Variants in ADGRD1 observed in about 807,000 individuals in gnomAD.
The protein encoded by ADGRD1 is adhesion G protein-coupled receptor D1.
In ADGRD1, 77 loss-of-function variants were observed where a neutral mutation model predicts 113.4. That is an observed-to-expected ratio of 0.68 (90% confidence interval 0.57 to 0.82). The LOEUF is 0.82. Among genes scored for constraint, ADGRD1 ranks in the 40% least tolerant of loss-of-function variants. ADGRD1 has a pLI of 0.00. For missense variants in ADGRD1, 1,036 were observed against 1,139.1 expected, an observed-to-expected ratio of 0.91 and a Z score of 1.30; for synonymous variants, 474 against 475.0, an observed-to-expected ratio of 1.00 and a Z score of 0.03.
chr12:131,052,234 C>G (rs1310087295), intron 13 of ADGRD1, among the ~76,000 whole-genome samples: 1 of 152,182 alleles, frequency 6.6e-6, no homozygotes, highest in East Asian at 1.9e-4. Context: ...GAGCCACTCC[C>G]GGGGCTCATT....
At position 131,003,608 on chromosome 12, in the gene ADGRD1, T is replaced by A. The variant is rs1345101416; in HGVS notation, c.1144+306T>A. ...GCAGTGCCTGCAAGAGTCTGTGGAA[T>A]AAAAGGGGTGGCCTCGGGTTTCTGG... is the stretch of plus-strand genomic sequence containing the variant. On this transcript the variant is annotated intron_variant, in intron 10 of 24. Transcript: ENST00000261654. The surrounding 1 kb of genome is among the most constrained non-coding windows in gnomAD (Gnocchi z 4.8). 6.6e-6 allele frequency among the ~76,000 whole-genome samples: 1 copy of A among 152,176 alleles called. No individual in the cohort carries two copies. The highest frequency in any genetic ancestry group is 1.5e-5 in the Non-Finnish European group (1 of 68,046).
intron 8 of ADGRD1, chr12:130,994,319 A>G (rs1310015417): frequency 9.3e-6 from 4 of 428,194 alleles, no homozygotes; most frequent in African/African-American, 6.1e-5. Context: ...ATGGGCTACA[A>G]GGGGTGACTG....
chr12:131,046,354 GT>G (rs1882766518), intron 13 of ADGRD1, among the ~76,000 whole-genome samples: 1 of 26,418 alleles, frequency 3.8e-5, no homozygotes, highest in Non-Finnish European at 8.6e-5. Context: ...CCTGGTCAGT[GT>G]CCTCCCTGGT....
intron 13 of ADGRD1, among the ~76,000 whole-genome samples, chr12:131,021,330 C>A (rs1879289508): frequency 6.6e-6 from 1 of 152,134 alleles, no homozygotes; most frequent in Non-Finnish European, 1.5e-5. Context: ...TCCTAGGCAA[C>A]TGCAGTCTGT....
At chr12:131,089,802 C>T (rs1271701663) in intron 15 of ADGRD1, among the ~76,000 whole-genome samples, 2 of 152,246 alleles carry the variant, frequency 1.3e-5, no homozygotes, top group African/African-American at 2.4e-5. Context: ...AGGTGATTCC[C>T]TGAGGTCACA....
chr12:131,065,051 C>T (rs918819059), intron 13 of ADGRD1, among the ~76,000 whole-genome samples: 4 of 152,174 alleles, frequency 2.6e-5, no homozygotes, highest in African/African-American at 9.7e-5. Flanking sequence ...ATGTATTTAC[C>T]TTCTACTCCC....
In ADGRD1 at chr12:131,031,567, GC is replaced by G. The variant is rs556365160; in HGVS notation, c.1473+17234del. 3.9e-3 allele frequency among the ~76,000 whole-genome samples: 592 copies of G among 151,904 alleles called. 3 individuals are homozygous for G. The highest frequency in any genetic ancestry group is 0.014 in the African/African-American group (560 of 41,394). On this transcript the variant is annotated intron_variant, in intron 13 of 24. Coordinates refer to ENST00000261654, the MANE Select transcript of ADGRD1 (RefSeq NM_198827.5). Reference sequence around the variant, plus strand: ...CAAGGTTCCAGGATTAGCAAACACGGCCCCCCCACCCTTCCTTCAGGCCTGG... The same window carrying G: ...CAAGGTTCCAGGATTAGCAAACACGGCCCCCCACCCTTCCTTCAGGCCTGG...
intron 15 of ADGRD1, among the ~76,000 whole-genome samples, chr12:131,101,874 G>A (rs527836991): frequency 2.6e-5 from 4 of 152,304 alleles, no homozygotes; most frequent in African/African-American, 9.6e-5. Flanking sequence ...TATAATGTCA[G>A]TGTGTCCTGT....
chr12:130,958,922 G>A (rs1221309162), intron 2 of ADGRD1, among the ~76,000 whole-genome samples: 1 of 152,252 alleles, frequency 6.6e-6, no homozygotes, highest in Non-Finnish European at 1.5e-5. Flanking sequence ...GGAGAAGCGT[G>A]TCTTTCAGAC....
chr12:131,074,517 A>G (rs1200098039), intron 13 of ADGRD1, among the ~76,000 whole-genome samples: 1 of 152,170 alleles, frequency 6.6e-6, no homozygotes, highest in Non-Finnish European at 1.5e-5. Context: ...CCCAGGCCTC[A>G]GGGAGGCTCG....
At chr12:131,130,754 CG>C (rs1283159420) in intron 20 of ADGRD1, among the ~76,000 whole-genome samples, 1 of 149,966 alleles carries the variant, frequency 6.7e-6, no homozygotes, top group East Asian at 1.9e-4. Flanking sequence ...CCATCCCGTG[CG>C]GGGGGAGAGC....
At chr12:131,073,707 C>A (rs1348670663) in intron 13 of ADGRD1, among the ~76,000 whole-genome samples, 1 of 151,876 alleles carries the variant, frequency 6.6e-6, no homozygotes. Context: ...CTCGGGCAGC[C>A]GTGTCTGGTG....
intron 13 of ADGRD1, among the ~76,000 whole-genome samples, chr12:131,038,430 C>T (rs151296426): frequency 2.3e-3 from 345 of 152,348 alleles, no homozygotes; most frequent in African/African-American, 7.8e-3. Context: ...ATCGCAGAGC[C>T]GACACTCCTC....
intron 18 of ADGRD1, among the ~76,000 whole-genome samples, chr12:131,115,059 C>T (rs1159034153): frequency 6.6e-6 from 1 of 152,124 alleles, no homozygotes; most frequent in Admixed American, 6.5e-5. Context: ...ACTTTCATTC[C>T]AGAGAGATTG....
intron 9 of ADGRD1, among the ~76,000 whole-genome samples, chr12:131,000,996 T>C (rs1376772980): frequency 6.6e-6 from 1 of 152,216 alleles, no homozygotes; most frequent in Admixed American, 6.5e-5. Context: ...AATGTGTTAC[T>C]GTCCTAAACA....
chr12:131,062,383 T>C (rs566154088), intron 13 of ADGRD1, among the ~76,000 whole-genome samples: 75 of 152,332 alleles, frequency 4.9e-4, no homozygotes, highest in African/African-American at 1.8e-3. Context: ...CTGTGAACAA[T>C]TGTGGACGGC....
intron 18 of ADGRD1, among the ~76,000 whole-genome samples, chr12:131,118,154 C>T (rs1336532792): frequency 2.0e-5 from 3 of 152,228 alleles, no homozygotes; most frequent in Admixed American, 1.3e-4. Flanking sequence ...TTGTCTAGTA[C>T]AGAAGTGTGA....
Position 130,987,075 on chromosome 12 carries a change from C to T in ADGRD1, c.491-20C>T, listed in dbSNP as rs766927942. 6.8e-6 allele frequency: 11 copies of T among 1,610,908 alleles called. No individual in the cohort carries two copies. Among genetic ancestry groups the T allele is most frequent in the Admixed American group, 3.3e-5 (2 of 59,966 alleles). ...CTCATTCCCACAGTACTCAGAATGG[C>T]GATCTTCACTCTTTTCCAGGCCCCT... is the stretch of plus-strand genomic sequence containing the variant. On this transcript the variant is annotated intron_variant, in intron 5 of 24. Transcript: ENST00000261654.
intron 15 of ADGRD1, among the ~76,000 whole-genome samples, chr12:131,088,995 G>A (rs1008318937): frequency 1.3e-5 from 2 of 152,204 alleles, no homozygotes; most frequent in African/African-American, 4.8e-5. Flanking sequence ...CCCGGGTGGA[G>A]TGAGGCCCCA....
Sources: allele counts gnomAD v4.1 joint callset (sites outside exome capture counted in the v4.1 genomes callset), GRCh38; gene constraint gnomAD v4.1.1; non-coding constraint Gnocchi (gnomAD v3.1); transcripts MANE v1.5; gene names NCBI Gene and HGNC (gene_info 2026-07-23, HGNC 2026-07-21).